Variants in TG observed in about 807,000 individuals in gnomAD.
TG encodes the protein thyroid hormones.
TG carries 270 observed loss-of-function variants against 324.7 expected under a neutral mutation model. That is an observed-to-expected ratio of 0.83 (90% CI 0.75 to 0.92). The LOEUF (loss-of-function observed/expected upper bound fraction) is 0.92. Among genes scored for constraint, TG ranks in the 40% least tolerant of loss-of-function variants. The pLI, the probability that TG is intolerant of heterozygous loss-of-function variation, is 0.00. For synonymous variants in TG, 1,401 were observed against 1,327.0 expected (o/e 1.06, Z -1.21); for missense variants, 3,591 against 3,456.4 (o/e 1.04, Z -0.98).
In TG at chr8:132,888,526, G is replaced by C. The variant is rs151134187; in HGVS notation, c.2719G>C (p.Glu907Gln). ...CTGGTGTGTGGATGAGGCTGGCCAA[G>C]AACTGGAAGGAATGCGGTCTGAGCC... ...NCWCVDEAGQELEGMRSEPSK... is the reference protein window; with the variant it reads ...NCWCVDEAGQQLEGMRSEPSK... The change falls in exon 10 of 48, where the codon GAA (glutamate) becomes CAA (glutamine). Residue 907 changes from glutamate (E) to glutamine (Q), a missense_variant. Glu to Gln is a conservative substitution (Grantham distance 29). Coordinates refer to ENST00000220616, the MANE Select transcript of TG (RefSeq NM_003235.5). The C allele has an allele frequency of 3.0e-5, 49 of 1,611,592 alleles. No homozygotes were observed. The African/African-American group carries it at 3.9e-4, about 13-fold the overall frequency.
chr8:132,891,870 C>CA (rs1225218813), intron 10 of TG, among the ~76,000 whole-genome samples: 1 of 152,176 alleles, frequency 6.6e-6, no homozygotes, highest in East Asian at 1.9e-4. Context: ...AATCCAATGA[C>CA]ACCCCCACTG....
intron 21 of TG, 70 bp downstream of exon 21, chr8:132,919,595 A>G (rs961963980): frequency 5.0e-6 from 8 of 1,591,492 alleles, no homozygotes; most frequent in Non-Finnish European, 6.9e-6. Flanking sequence ...GGGTTTCCCA[A>G]TCTCTGCACT....
Position 132,961,066 on chromosome 8 carries a change from C to T in TG, c.5460C>T (p.Leu1820=), listed in dbSNP as rs1827686187. Residue 1820 remains leucine, a synonymous_variant, in exon 28 of 48, where the codon CTC becomes CTT. Coordinates refer to ENST00000220616, the MANE Select transcript of TG (RefSeq NM_003235.5). ...DTFTNFQQVY[L]WKDSDMGSRP... Reference sequence around the variant, plus strand: ...TTACCAATTTTCAGCAGGTTTATCTCTGGAAAGGTGAGCTCCGTGGTGGAA... The same window carrying T: ...TTACCAATTTTCAGCAGGTTTATCTTTGGAAAGGTGAGCTCCGTGGTGGAA... 1 of 1,614,074 alleles carries T rather than the reference C, an allele frequency of 6.2e-7. No homozygotes were observed. Among genetic ancestry groups the T allele is most frequent in the Non-Finnish European group, 8.5e-7 (1 of 1,179,952 alleles).
At chr8:133,037,064 T>C (rs930512547) in intron 41 of TG, 9 of 152,336 alleles carry the variant, frequency 5.9e-5, no homozygotes, top group African/African-American at 2.2e-4. Context: ...ACTGTGTAAC[T>C]GCACATACAC....
chr8:133,075,255 G>T, intron 41 of TG: 2 of 414,706 alleles, frequency 4.8e-6, no homozygotes, highest in Non-Finnish European at 6.5e-6. Context: ...AATCAATGGG[G>T]CTGTGAATTT....
At chr8:132,990,159 TA>T (rs1273838904) in intron 35 of TG, among the ~76,000 whole-genome samples, 12 of 11,728 alleles carry the variant, frequency 1.0e-3, no homozygotes, top group Admixed American at 5.3e-3. Flanking sequence ...GCTATACAAT[TA>T]TATATATATA....
chr8:132,873,120 A>G lies in TG; in HGVS notation c.537A>G (p.Ser179=), dbSNP rs114875802. ...TTCTCCACGGGGTGGGAGATAAGTC[A>G]CCACCCCAGTGTTCTGCGGAGGGAG... ...RRLLHGVGDK[S]PPQCSAEGEF... is the part of the protein sequence containing the mutation. Residue 179 remains serine, a synonymous_variant, in exon 5 of 48, where the codon TCA becomes TCG. Transcript: ENST00000220616. The G allele has an allele frequency of 3.7e-4, 605 of 1,614,140 alleles. 4 individuals carry two copies. The African/African-American group carries it at 6.4e-3, about 17-fold the overall frequency.
chr8:133,005,469 G>T (rs1038885520), intron 35 of TG, among the ~76,000 whole-genome samples: 8 of 152,192 alleles, frequency 5.3e-5, no homozygotes, highest in African/African-American at 1.9e-4. Context: ...CAGGAACCAA[G>T]TAGCTTGACC....
rs556805613 is a variant in TG, at chr8:132,888,630, T to C, written c.2761+62T>C. 19 of 1,446,428 alleles carry C rather than the reference T, an allele frequency of 1.3e-5. No homozygotes were observed. The East Asian group carries it at 4.3e-4, about 33-fold the overall frequency. The allele number at this position is 1,446,428 out of a possible 1,614,324, so 89.6% of individuals were successfully genotyped here. ...GTGTGTGTGTGTGTGTGTATGTGTG[T>C]TTAACATATAAAAAAGGATGTCTAG... On this transcript the variant is annotated intron_variant, in intron 10 of 47. Transcript: ENST00000220616.
At chr8:132,951,805 C>T (rs1030336884) in intron 27 of TG, among the ~76,000 whole-genome samples, 4 of 152,112 alleles carry the variant, frequency 2.6e-5, no homozygotes, top group South Asian at 4.1e-4. Flanking sequence ...TCTTTTAGTA[C>T]GATTAACCCC....
intron 41 of TG, 124 bp from the exon 42 acceptor site, chr8:133,094,920 T>C: frequency 7.7e-7 from 1 of 1,296,902 alleles, no homozygotes. Flanking sequence ...AGCCCCAGAA[T>C]GGGTCCTGGG....
rs1025035828 is a variant in TG, at chr8:132,961,016, C to T, written c.5410C>T (p.Pro1804Ser). The T allele has an allele frequency of 1.2e-6, 2 of 1,614,028 alleles. No individual in the cohort carries two copies. The highest frequency in any genetic ancestry group is 4.5e-5 in the East Asian group (2 of 44,868). Residue 1804 changes from proline to serine, a missense_variant, in exon 28 of 48, where the codon CCC (proline) becomes TCC (serine). Physicochemically the swap from Pro to Ser is moderately conservative, Grantham distance 74 (BLOSUM62 -1). Transcript: ENST00000220616. The part of the protein sequence containing the change: ...GDQEFIKSLT[P>S]LEGTQDTFTN... ...AACATCTTCCTTTGCAGGTCTGACACCCTTAGAAGGAACTCAAGACACCTT... is the reference window on the plus strand; with the variant it reads ...AACATCTTCCTTTGCAGGTCTGACATCCTTAGAAGGAACTCAAGACACCTT...
chr8:132,915,810 A>G (rs1820207602), intron 20 of TG, among the ~76,000 whole-genome samples: 3 of 152,186 alleles, frequency 2.0e-5, no homozygotes, highest in African/African-American at 4.8e-5. Flanking sequence ...CCTACACTCT[A>G]TCTTCCAGCT....
chr8:132,886,640 GC>G lies in TG; in HGVS notation c.1271del (p.Pro424GlnfsTer55). On this transcript the variant is annotated frameshift_variant, in exon 9 of 48. Coordinates refer to ENST00000220616, the MANE Select transcript of TG (RefSeq NM_003235.5). LOFTEE classifies it high-confidence loss of function. The stretch of plus-strand genomic sequence containing the variant: ...CTCTTTGTGGACTCTGGGCTTCTCC[GC>G]CCAATGGTGGAGGGACAGAGCCAAC... ...KELFVDSGLL[R>X]PMVEGQSQQF... The G allele has an allele frequency of 6.2e-7, 1 of 1,614,136 alleles. No individual in the cohort carries two copies. The highest frequency in any genetic ancestry group is 8.5e-7 in the Non-Finnish European group (1 of 1,180,028).
intron 14 of TG, chr8:132,899,143 G>T (rs986634009): frequency 3.5e-5 from 20 of 567,682 alleles, no homozygotes; most frequent in Non-Finnish European, 6.3e-5. Flanking sequence ...TTTTGTCCTA[G>T]CTAATGCTAG....
In TG at chr8:132,888,267, T is replaced by C; in HGVS notation, c.2460T>C (p.Phe820=). 6.2e-7 allele frequency: 1 copy of C among 1,614,212 alleles called. No homozygotes were observed. ...CAGCTTCCGGAAACTTCAGTCTCTT[T>C]ATTCAAAGTCTGTATGAGGCTGGCC... The part of the protein sequence containing the change: ...REAASGNFSL[F]IQSLYEAGQQ... Residue 820 remains phenylalanine (F), a synonymous_variant, in exon 10 of 48, where the codon TTT becomes TTC. Coordinates refer to ENST00000220616, the MANE Select transcript of TG (RefSeq NM_003235.5).
intron 35 of TG, among the ~76,000 whole-genome samples, chr8:132,986,421 T>TAA (rs1831561363): frequency 6.8e-6 from 1 of 147,110 alleles, no homozygotes; most frequent in Admixed American, 6.8e-5. Flanking sequence ...TATATATATA[T>TAA]GTATGTATCT....
In TG at chr8:133,040,316, T is replaced by C. The variant is rs536313719; in HGVS notation, c.7239+10293T>C. 687 of 631,448 alleles carry C rather than the reference T, an allele frequency of 1.1e-3. 2 individuals are homozygous for C. Among genetic ancestry groups the C allele is most frequent in the Non-Finnish European group, 1.6e-3 (594 of 364,426 alleles). 39.1% of individuals were successfully genotyped at this position (631,448 alleles called of 1,614,324 possible). On this transcript the variant is annotated intron_variant, in intron 41 of 47. Transcript: ENST00000220616. Reference sequence around the variant, plus strand: ...GTCACGCGCCCAGCTGTTTGAGAAATGTAAGCGTGCCCTGGTATACTCTGC... The same window carrying C: ...GTCACGCGCCCAGCTGTTTGAGAAACGTAAGCGTGCCCTGGTATACTCTGC...
chr8:132,922,349 G>A (rs958396258), intron 21 of TG, among the ~76,000 whole-genome samples: 5 of 152,216 alleles, frequency 3.3e-5, no homozygotes, highest in Non-Finnish European at 5.9e-5. Flanking sequence ...TTGGACAGAA[G>A]CTTGTTTTGT....
Sources: gnomAD v4.1 joint callset for allele counts (sites outside exome capture counted in the v4.1 genomes callset) on GRCh38, gnomAD v4.1.1 for gene constraint, MANE v1.5 for transcripts, NCBI Gene and HGNC (gene_info 2026-07-23, HGNC 2026-07-21) for gene names.